Variants in ZMYM1 observed in about 807,000 individuals in gnomAD.
ZMYM1 encodes the protein zinc finger MYM-type containing 1.
Under a neutral mutation model 60.0 loss-of-function variants are expected in ZMYM1, and 39 were observed. The ratio of observed to expected loss-of-function variants is 0.65; its 90% CI spans 0.50 to 0.85. The LOEUF is 0.85. Ranked by LOEUF, ZMYM1 falls within the 40% of genes least tolerant of loss-of-function variation. The probability of loss-of-function intolerance (pLI) is 0.00; values close to 1 mark genes in which losing one functional copy is unlikely to be tolerated. For missense variants in ZMYM1, 1,171 were observed against 1,309.5 expected (o/e 0.89, Z 1.63); for synonymous variants, 413 against 454.0 (o/e 0.91, Z 1.15).
intron 4 of ZMYM1, among the ~76,000 whole-genome samples, chr1:35,100,853 A>T (rs1643609887): frequency 6.6e-6 from 1 of 151,014 alleles, no homozygotes; most frequent in Admixed American, 6.6e-5. Flanking sequence ...CCCAGGTTGG[A>T]GTGCAGTGGC....
Position 35,111,708 on chromosome 1 carries a change from C to T in ZMYM1, c.962-64C>T, listed in dbSNP as rs191257084. The stretch of plus-strand genomic sequence containing the variant: ...TGCATTATTTCTTTAAACAGTATTA[C>T]TAAACAGTACTTTCTGATGATTGAT... On this transcript the variant is annotated intron_variant, in intron 7 of 9. Coordinates refer to ENST00000359858, the MANE Select transcript of ZMYM1 (RefSeq NM_024772.5). 137 of 1,449,200 alleles carry T rather than the reference C, an allele frequency of 9.5e-5. No homozygotes were observed. In the African/African-American group the frequency reaches 1.7e-3, roughly 18 times the overall value. 89.8% of individuals were successfully genotyped at this position (1,449,200 alleles called of 1,614,324 possible).
chr1:35,092,185 C>G (rs554873487), intron 1 of ZMYM1, among the ~76,000 whole-genome samples: 162 of 152,066 alleles, frequency 1.1e-3, no homozygotes, highest in Non-Finnish European at 1.8e-3. Context: ...CTCGGCCTCC[C>G]AAAGTGCTGG....
intron 7 of ZMYM1, among the ~76,000 whole-genome samples, 200 bp from the exon 8 acceptor site, chr1:35,111,572 A>C (rs1570037026): frequency 6.6e-6 from 1 of 152,174 alleles, no homozygotes; most frequent in East Asian, 1.9e-4. Flanking sequence ...AGAAGTGTAA[A>C]TTTTCAGTGT....
intron 1 of ZMYM1, among the ~76,000 whole-genome samples, chr1:35,063,962 G>A (rs1641921329): frequency 6.6e-6 from 1 of 152,154 alleles, no homozygotes. Flanking sequence ...ACAGATAGGT[G>A]GAGAGATAGA....
rs141610102 is a variant in ZMYM1 at position 35,068,030 on chromosome 1, T to A, written c.-301+8105T>A. Among the ~76,000 whole-genome samples, 1,025 of 152,098 alleles carry A rather than the reference T, an allele frequency of 6.7e-3. 3 individuals carry two copies. The highest frequency in any genetic ancestry group is 0.011 in the Non-Finnish European group (728 of 67,970). ...TTGGACTCATGGTCTCAAGTGATCC[T>A]CCCTGCTTGGCCTCCCAAAGTGCTG... is the stretch of plus-strand genomic sequence containing the variant. On this transcript the variant is annotated intron_variant, in intron 1 of 10. Coordinates refer to the ZMYM1 transcript ENST00000417119.
At chr1:35,102,125 T>G (rs145262487) in intron 4 of ZMYM1, among the ~76,000 whole-genome samples, 2,138 of 152,318 alleles carry the variant, frequency 0.014, 22 homozygotes, top group Non-Finnish European at 0.02. Context: ...GGTTGAAGTC[T>G]GAAGAAAACC....
At chr1:35,082,835 G>C (rs536144213) in intron 1 of ZMYM1, among the ~76,000 whole-genome samples, 23 of 151,668 alleles carry the variant, frequency 1.5e-4, no homozygotes, top group African/African-American at 4.3e-4. Context: ...CAAAAAATTA[G>C]CCAGGAGTGG....
At chr1:35,085,299 G>A (rs932002833) in intron 1 of ZMYM1, among the ~76,000 whole-genome samples, 2 of 152,016 alleles carry the variant, frequency 1.3e-5, no homozygotes, top group Non-Finnish European at 2.9e-5. Flanking sequence ...CACCCGCCTC[G>A]GCCTCCTAAA....
intron 4 of ZMYM1, 142 bp from the exon 5 acceptor site, chr1:35,104,153 G>C (rs1384050542): frequency 1.4e-6 from 1 of 690,468 alleles, no homozygotes; most frequent in Non-Finnish European, 2.4e-6. Context: ...GAGTATAAAT[G>C]TGACAGAACT....
At chr1:35,090,203 G>A (rs1642922587) in intron 1 of ZMYM1, among the ~76,000 whole-genome samples, 1 of 152,100 alleles carries the variant, frequency 6.6e-6, no homozygotes, top group Admixed American at 6.6e-5. Flanking sequence ...ACCGAGCCTG[G>A]CCTATAAGGC....
In ZMYM1 at chr1:35,115,042, A is replaced by G. The variant is rs780225145; in HGVS notation, c.3212A>G (p.Tyr1071Cys). 1 of 1,614,050 alleles carries G rather than the reference A, an allele frequency of 6.2e-7. No individual in the cohort carries two copies. The highest frequency in any genetic ancestry group is 8.5e-7 in the Non-Finnish European group (1 of 1,179,948). ...SNIPCLSKLL[Y>C]IALSWPITSA... ...ATTCCTTGTCTCTCAAAGCTATTAT[A>G]TATTGCTTTGTCTTGGCCAATTACT... is the stretch of plus-strand genomic sequence containing the variant. The change falls in exon 10 of 10, where the codon TAT becomes TGT. Residue 1071 changes from tyrosine to cysteine, a missense_variant. Physicochemically the swap from Tyr to Cys is radical, Grantham distance 194. Coordinates refer to ENST00000359858, the MANE Select transcript of ZMYM1 (RefSeq NM_024772.5).
chr1:35,062,066 G>A (rs561563604), intron 1 of ZMYM1, among the ~76,000 whole-genome samples: 15 of 152,116 alleles, frequency 9.9e-5, no homozygotes, highest in African/African-American at 3.1e-4. Context: ...TCTTGACCTC[G>A]TGATCTGCCC....
chr1:35,089,220 C>G (rs1267796972), intron 1 of ZMYM1, among the ~76,000 whole-genome samples: 3 of 152,190 alleles, frequency 2.0e-5, no homozygotes, highest in Admixed American at 6.5e-5. Context: ...AATTGTACCT[C>G]ACGTAAACCT....
chr1:35,107,590 A>T (rs1375114397), intron 6 of ZMYM1, among the ~76,000 whole-genome samples: 4 of 152,152 alleles, frequency 2.6e-5, no homozygotes, highest in African/African-American at 9.7e-5. Context: ...CTTGCATCTG[A>T]ATGTAAGACA....
intron 2 of ZMYM1, 39 bp from the exon 3 acceptor site, chr1:35,095,780 A>G: frequency 2.1e-6 from 3 of 1,422,884 alleles, no homozygotes; most frequent in Non-Finnish European, 2.9e-6. Flanking sequence ...AATTCATTGT[A>G]TTCACTATTT....
intron 1 of ZMYM1, among the ~76,000 whole-genome samples, chr1:35,089,249 C>T (rs544526235): frequency 9.9e-5 from 15 of 152,178 alleles, no homozygotes; most frequent in Non-Finnish European, 2.1e-4. Flanking sequence ...GTGATACCGC[C>T]ACTGCACAAA....
Position 35,093,958 on chromosome 1 carries a change from C to T in ZMYM1, c.-30C>T, listed in dbSNP as rs773274709. On this transcript the variant is annotated 5_prime_UTR_variant, in exon 2 of 10. Transcript: ENST00000359858. ...CAGGAAGAAACCCATTAGTTTGGAA[C>T]TGGAGAATTCCTTTGCATCAGATAC... is the stretch of plus-strand genomic sequence containing the variant. The T allele has an allele frequency of 2.0e-6, 3 of 1,516,924 alleles. No homozygotes were observed. The highest frequency in any genetic ancestry group is 2.7e-6 in the Non-Finnish European group (3 of 1,113,414). The allele number at this position is 1,516,924 out of a possible 1,614,324, so 94.0% of individuals were successfully genotyped here.
chr1:35,097,602 C>G (rs781238953), intron 4 of ZMYM1, 36 bp downstream of exon 4: 6 of 1,607,636 alleles, frequency 3.7e-6, no homozygotes, highest in Non-Finnish European at 1.7e-6. Context: ...TTTTATTTCC[C>G]TACCTTGTTC....
At chr1:35,094,830 C>T (rs1200583788) in intron 2 of ZMYM1, among the ~76,000 whole-genome samples, 3 of 151,932 alleles carry the variant, frequency 2.0e-5, no homozygotes, top group African/African-American at 4.8e-5. Context: ...GCCTGGGTAA[C>T]GAAGCGAGAC....
Sources: allele counts gnomAD v4.1 joint callset (sites outside exome capture counted in the v4.1 genomes callset), GRCh38; gene constraint gnomAD v4.1.1; transcripts MANE v1.5; gene names NCBI Gene and HGNC (gene_info 2026-07-23, HGNC 2026-07-21).